Variants in ECPAS observed in about 807,000 individuals in gnomAD.
ECPAS encodes the protein Ecm29 proteasome adaptor and scaffold, also known as proteasome adapter and scaffold protein ECM29.
Under a neutral mutation model 255.1 loss-of-function variants are expected in ECPAS, and 70 were observed. That is an observed-to-expected ratio of 0.27 (90% CI 0.23 to 0.33). The LOEUF (loss-of-function observed/expected upper bound fraction) is 0.33. ECPAS is among the 10% of genes least tolerant of loss of function. The pLI is 1.00. For missense variants in ECPAS, 1,817 were observed against 2,206.4 expected (o/e 0.82, Z 3.54); for synonymous variants, 784 against 775.0 (o/e 1.01, Z -0.19).
intron 38 of ECPAS, among the ~76,000 whole-genome samples, 194 bp downstream of exon 38, chr9:111,374,919 C>G (rs936098653): frequency 6.6e-6 from 1 of 152,144 alleles, no homozygotes; most frequent in Non-Finnish European, 1.5e-5. Flanking sequence ...TTAATACTTA[C>G]TGGAACAGTT....
intron 10 of ECPAS, among the ~76,000 whole-genome samples, chr9:111,426,332 C>A (rs1231116355): frequency 6.6e-6 from 1 of 151,318 alleles, no homozygotes; most frequent in Non-Finnish European, 1.5e-5. Flanking sequence ...TATCTAAATC[C>A]CTCAAGTTCC....
chr9:111,372,699 C>A (rs780218924), intron 41 of ECPAS, 79 bp from the exon 42 acceptor site: 16 of 1,071,762 alleles, frequency 1.5e-5, no homozygotes, highest in Non-Finnish European at 2.1e-5. Flanking sequence ...TTGTTCAACT[C>A]ATATAATAGC....
intron 10 of ECPAS, 146 bp from the exon 11 acceptor site, chr9:111,425,974 C>A: frequency 2.0e-6 from 1 of 502,690 alleles, no homozygotes; most frequent in Non-Finnish European, 3.5e-6. Flanking sequence ...AGCTGACCAA[C>A]TTAGAAAGCC....
intron 24 of ECPAS, among the ~76,000 whole-genome samples, chr9:111,404,091 T>C (rs1009712015): frequency 6.7e-6 from 1 of 149,246 alleles, no homozygotes; most frequent in African/African-American, 2.6e-5. Flanking sequence ...CATACCAAAA[T>C]CTATGGGATA....
Position 111,472,887 on chromosome 9 carries a change from A to G in ECPAS, c.22+10T>C. On this transcript the variant is annotated intron_variant, in intron 2 of 49. Coordinates refer to ENST00000684092, the MANE Select transcript of ECPAS (RefSeq NM_001364929.1). ...AAATGCACACATCCTAAGGAACTAA[A>G]TCTACTAACCTCTACAATCAATGTG... 1.8e-6 allele frequency: 2 copies of G among 1,137,778 alleles called. No individual in the cohort carries two copies. Among genetic ancestry groups the G allele is most frequent in the Non-Finnish European group, 2.3e-6 (2 of 873,142 alleles). 70.5% of individuals were successfully genotyped at this position (1,137,778 alleles called of 1,614,324 possible).
chr9:111,383,161 T>C (rs749774682), intron 35 of ECPAS, 50 bp downstream of exon 35: 20 of 1,593,632 alleles, frequency 1.3e-5, no homozygotes, highest in South Asian at 2.2e-5. Context: ...AAACACAATT[T>C]CTAGGAACTG....
chr9:111,473,801 T>C (rs1039337105), intron 1 of ECPAS, among the ~76,000 whole-genome samples: 1 of 152,028 alleles, frequency 6.6e-6, no homozygotes, highest in Non-Finnish European at 1.5e-5. Flanking sequence ...ACCCCGTCTC[T>C]ACAGAAAATA....
chr9:111,410,299 T>C, intron 22 of ECPAS, 86 bp from the exon 23 acceptor site: 1 of 1,129,240 alleles, frequency 8.9e-7, no homozygotes, highest in Non-Finnish European at 1.2e-6. Context: ...AGGTTTTTTT[T>C]AAGACGGCAA....
rs770830311 is a variant in ECPAS at position 111,373,252 on chromosome 9, T to C, written c.4270-16A>G. 1.2e-6 allele frequency: 2 copies of C among 1,613,528 alleles called. No individual in the cohort carries two copies. The highest frequency in any genetic ancestry group is 2.7e-5 in the African/African-American group (2 of 74,902). ...CCCGTGAGGTCTGAAAAAGAAACAA[T>C]CCTAAGTATTTCTTTATAACTGTCA... On this transcript the variant is annotated splice_polypyrimidine_tract_variant and intron_variant, in intron 40 of 49. Transcript: ENST00000684092.
intron 33 of ECPAS, among the ~76,000 whole-genome samples, chr9:111,385,075 T>C (rs1336857271): frequency 6.6e-6 from 1 of 152,190 alleles, no homozygotes; most frequent in African/African-American, 2.4e-5. Context: ...AAACTGTTAT[T>C]TGTCCCTAAT....
rs191531591 is a variant in ECPAS at position 111,364,107 on chromosome 9, T to A, written c.5309-448A>T. Among the ~76,000 whole-genome samples, 285 of 152,322 alleles carry A rather than the reference T, an allele frequency of 1.9e-3. 4 individuals carry two copies. The highest frequency in any genetic ancestry group is 6.1e-3 in the African/African-American group (253 of 41,578). ...AGCAAAGAGAGGTCTGTTGGCTGCCTGTTCTTTATCCATAAAAGGATGCTG... is the reference window on the plus strand; with the variant it reads ...AGCAAAGAGAGGTCTGTTGGCTGCCAGTTCTTTATCCATAAAAGGATGCTG... On this transcript the variant is annotated intron_variant, in intron 48 of 49. Coordinates refer to ENST00000684092, the MANE Select transcript of ECPAS (RefSeq NM_001364929.1).
chr9:111,395,677 A>C (rs954668161), intron 25 of ECPAS, among the ~76,000 whole-genome samples: 2 of 152,090 alleles, frequency 1.3e-5, no homozygotes, highest in Admixed American at 1.3e-4. Flanking sequence ...CTAGGTAAAA[A>C]ACCCATGGAG....
At chr9:111,362,623 C>T (rs1226011501) in intron 49 of ECPAS, among the ~76,000 whole-genome samples, 2 of 151,766 alleles carry the variant, frequency 1.3e-5, no homozygotes, top group Non-Finnish European at 2.9e-5. Context: ...CCCTTTTCTT[C>T]GAGGAAAGCA....
chr9:111,402,432 CTT>C (rs1424384508), intron 24 of ECPAS, among the ~76,000 whole-genome samples: 1 of 152,140 alleles, frequency 6.6e-6, no homozygotes, highest in Non-Finnish European at 1.5e-5. Context: ...TACTCTAATA[CTT>C]TATAGAGTAT....
chr9:111,482,910 A>C (rs1164174809), intron 1 of ECPAS, among the ~76,000 whole-genome samples: 1 of 152,074 alleles, frequency 6.6e-6, no homozygotes, highest in Non-Finnish European at 1.5e-5. Context: ...ACCGCGTACG[A>C]TCGAGGGGGC....
intron 2 of ECPAS, among the ~76,000 whole-genome samples, chr9:111,458,508 T>A (rs989495935): frequency 6.6e-6 from 1 of 152,110 alleles, no homozygotes; most frequent in African/African-American, 2.4e-5. Flanking sequence ...AAGTAACTCA[T>A]AGTGGGCCCC....
intron 48 of ECPAS, chr9:111,365,952 T>C: frequency 2.4e-6 from 1 of 412,052 alleles, no homozygotes; most frequent in Non-Finnish European, 4.4e-6. Context: ...TGCAGAGTAT[T>C]ACATGTACTG....
chr9:111,430,291 A>G (rs149889342), intron 9 of ECPAS, among the ~76,000 whole-genome samples: 2 of 152,332 alleles, frequency 1.3e-5, no homozygotes, highest in African/African-American at 4.8e-5. Flanking sequence ...AAAGCCTACA[A>G]AATTTACAGA....
At chr9:111,415,202 A>T (rs984895406) in intron 18 of ECPAS, among the ~76,000 whole-genome samples, 1 of 151,742 alleles carries the variant, frequency 6.6e-6, no homozygotes, top group Non-Finnish European at 1.5e-5. Flanking sequence ...TAAAAATTAT[A>T]ATAAAAATCA....
Sources: gnomAD v4.1 joint callset for allele counts (sites outside exome capture counted in the v4.1 genomes callset) on GRCh38, gnomAD v4.1.1 for gene constraint, MANE v1.5 for transcripts, NCBI Gene and HGNC (gene_info 2026-07-23, HGNC 2026-07-21) for gene names.